The following COG5 variants were observed in gnomAD, a reference collection of about 807,000 sequenced individuals.
COG5 encodes component of oligomeric golgi complex 5.
Under a neutral mutation model 110.4 loss-of-function variants are expected in COG5, and 86 were observed. The ratio of observed to expected loss-of-function variants is 0.78; its 90% confidence interval spans 0.65 to 0.93. COG5 has a LOEUF of 0.93. COG5 is among the 40% of genes least tolerant of loss of function. COG5 has a pLI of 0.00. For missense variants in COG5, 1,077 were observed against 987.0 expected (o/e 1.09, Z -1.22); for synonymous variants, 360 against 334.6 (o/e 1.08, Z -0.83).
In COG5 at chr7:107,201,806, G is replaced by C. The variant is rs1798333915; in HGVS notation, c.*1710C>G. 5.6e-6 allele frequency: 1 copy of C among 177,800 alleles called. No individual in the cohort carries two copies. Among genetic ancestry groups the C allele is most frequent in the Non-Finnish European group, 1.2e-5 (1 of 84,448 alleles). The allele number at this position is 177,800 out of a possible 1,614,324, so 11.0% of individuals were successfully genotyped here. A position where few individuals can be genotyped will look rare whatever the true frequency, so the allele number is the denominator to read the frequency against. On this transcript the variant is annotated 3_prime_UTR_variant, in exon 22 of 22. Coordinates refer to ENST00000297135, the MANE Select transcript of COG5 (RefSeq NM_006348.5). ...GGAATTTAAAAAATATGTAACTGCT[G>C]TTTATACATTGGCTCCTTACTGCTT...
Position 107,485,016 on chromosome 7 carries a change from C to T in COG5, c.538+42221G>A, listed in dbSNP as rs2520275. 5.3e-5 allele frequency among the ~76,000 whole-genome samples: 8 copies of T among 152,292 alleles called. No individual in the cohort carries two copies. The East Asian group carries it at 7.7e-4, about 15-fold the overall frequency. The stretch of plus-strand genomic sequence containing the variant: ...GTTACCTTCTCCTTCCCTTACCCCA[C>T]GACCTTCAGAGATTCACTAATTAAG... On this transcript the variant is annotated intron_variant, in intron 6 of 21. Transcript: ENST00000297135.
At chr7:107,288,498 A>T (rs1468846455) in intron 12 of COG5, among the ~76,000 whole-genome samples, 1 of 152,086 alleles carries the variant, frequency 6.6e-6, no homozygotes, top group East Asian at 1.9e-4. Flanking sequence ...TTTTGTTTAT[A>T]GACATCCTAG....
chr7:107,382,085 C>T (rs909636999), intron 7 of COG5, among the ~76,000 whole-genome samples: 7 of 152,152 alleles, frequency 4.6e-5, no homozygotes, highest in South Asian at 2.1e-4. Flanking sequence ...AGGGGTCAGT[C>T]GTGACGTGCA....
intron 6 of COG5, among the ~76,000 whole-genome samples, chr7:107,468,453 G>T (rs1037445364): frequency 3.3e-5 from 5 of 152,004 alleles, no homozygotes; most frequent in African/African-American, 1.2e-4. Context: ...TTCGGTGTGT[G>T]TAAGTTTTCT....
chr7:107,558,820 G>T (rs1310062798), intron 1 of COG5, among the ~76,000 whole-genome samples: 3 of 147,384 alleles, frequency 2.0e-5, no homozygotes, highest in Non-Finnish European at 3.0e-5. Flanking sequence ...CCCGGGAGGC[G>T]GAGCTTGCAG....
At chr7:107,520,832 G>T (rs765630276) in intron 6 of COG5, among the ~76,000 whole-genome samples, 11 of 152,094 alleles carry the variant, frequency 7.2e-5, no homozygotes, top group Non-Finnish European at 1.6e-4. Context: ...AGCTCATATA[G>T]CCAAGACAAT....
At chr7:107,372,459 T>C (rs374338220) in intron 8 of COG5, 136 bp downstream of exon 8, 9 of 825,586 alleles carry the variant, frequency 1.1e-5, no homozygotes, top group African/African-American at 1.7e-5. Flanking sequence ...TTCTGAAACA[T>C]AATTTCTTCT....
At chr7:107,445,548 G>C (rs1044858292) in intron 6 of COG5, among the ~76,000 whole-genome samples, 3 of 152,166 alleles carry the variant, frequency 2.0e-5, no homozygotes, top group Non-Finnish European at 4.4e-5. Context: ...TGTAATGAAA[G>C]ATGAATTGGA....
chr7:107,352,158 A>G (rs916902805), intron 10 of COG5, among the ~76,000 whole-genome samples: 45 of 149,942 alleles, frequency 3.0e-4, no homozygotes, highest in Admixed American at 2.3e-3. Flanking sequence ...TATCCTTTGT[A>G]GGGACATGGA....
chr7:107,508,018 C>T (rs1437103713), intron 6 of COG5, among the ~76,000 whole-genome samples: 3 of 152,190 alleles, frequency 2.0e-5, no homozygotes, highest in Non-Finnish European at 4.4e-5. Context: ...CTAGAGAGTG[C>T]CAGACAGTGG....
At chr7:107,464,751 T>C (rs989532242) in intron 6 of COG5, among the ~76,000 whole-genome samples, 2 of 152,098 alleles carry the variant, frequency 1.3e-5, no homozygotes, top group Non-Finnish European at 2.9e-5. Context: ...GTATTACCCA[T>C]GATGCAGCAA....
At position 107,563,822 on chromosome 7, in the gene COG5, G is replaced by T. The variant is rs767452218; in HGVS notation, c.75C>A (p.Val25=). 4 of 1,613,846 alleles carry T rather than the reference G, an allele frequency of 2.5e-6. No homozygotes were observed. Among genetic ancestry groups the T allele is most frequent in the Non-Finnish European group, 3.4e-6 (4 of 1,179,906 alleles). Reference sequence around the variant, plus strand: ...CCTTACCGTCCTGCAGAAGTTCCCGGACTGTAGCTGCAGCCGCTCCAGAGC... The same window carrying T: ...CCTTACCGTCCTGCAGAAGTTCCCGTACTGTAGCTGCAGCCGCTCCAGAGC... The part of the protein sequence containing the change: ...ARGSGAAAAT[V]RELLQDGCYS... The change falls in exon 1 of 22, where the codon GTC becomes GTA. Residue 25 remains valine (V), a synonymous_variant. Transcript: ENST00000297135.
At chr7:107,427,506 C>G (rs1376868005) in intron 6 of COG5, among the ~76,000 whole-genome samples, 1 of 152,010 alleles carries the variant, frequency 6.6e-6, no homozygotes, top group Non-Finnish European at 1.5e-5. Context: ...GTACTGAAGT[C>G]TTAACCCTCA....
chr7:107,455,561 CTA>C (rs1795610731), intron 6 of COG5, among the ~76,000 whole-genome samples: 1 of 152,088 alleles, frequency 6.6e-6, no homozygotes, highest in African/African-American at 2.4e-5. Context: ...GTGACACAGA[CTA>C]TATACAGCCC....
rs575843997 is a variant in COG5 at position 107,462,188 on chromosome 7, A to C, written c.539-49556T>G. Among the ~76,000 whole-genome samples the C allele has an allele frequency of 2.0e-5, 3 of 152,342 alleles. No homozygotes were observed. In the East Asian group the frequency reaches 5.8e-4, roughly 29 times the overall value. On this transcript the variant is annotated intron_variant, in intron 6 of 21. Transcript: ENST00000297135. ...AGGACACATGGGACGTGAGCACTTG[A>C]GTACCTGGGGAAGACAATACTAGAC...
At chr7:107,324,408 A>C (rs755601564) in intron 11 of COG5, 32 bp downstream of exon 11, 1 of 1,344,590 alleles carries the variant, frequency 7.4e-7, no homozygotes, top group Admixed American at 1.7e-5. Context: ...TAAAACTTTG[A>C]AATTAATTTT....
At chr7:107,415,817 CATACACGT>C (rs1214149419) in intron 6 of COG5, among the ~76,000 whole-genome samples, 1 of 100,834 alleles carries the variant, frequency 9.9e-6, no homozygotes, top group Non-Finnish European at 2.3e-5. Flanking sequence ...TATATACACA[CATACACGT>C]ATGTATGTAT....
intron 14 of COG5, among the ~76,000 whole-genome samples, chr7:107,276,320 G>T (rs1013070732): frequency 2.6e-5 from 4 of 152,032 alleles, no homozygotes; most frequent in African/African-American, 9.7e-5. Context: ...GTTCCCTTAT[G>T]TACTAATATT....
chr7:107,552,802 G>A (rs1803010151), intron 3 of COG5, among the ~76,000 whole-genome samples: 1 of 152,084 alleles, frequency 6.6e-6, no homozygotes, highest in African/African-American at 2.4e-5. Flanking sequence ...CCACCATAAA[G>A]ACACATGCAC....
Sources: gnomAD v4.1 joint callset for allele counts (sites outside exome capture counted in the v4.1 genomes callset) on GRCh38, gnomAD v4.1.1 for gene constraint, MANE v1.5 for transcripts, NCBI Gene and HGNC (gene_info 2026-07-23, HGNC 2026-07-21) for gene names.